The following CMIP variants were observed in gnomAD, a reference collection of about 807,000 sequenced individuals.
CMIP encodes c-Maf inducing protein.
Under a neutral mutation model 97.3 loss-of-function variants are expected in CMIP, and 13 were observed. That is an observed-to-expected ratio of 0.13 (90% CI 0.09 to 0.21). The LOEUF (loss-of-function observed/expected upper bound fraction) is 0.21, where lower values mean the gene tolerates loss of function less well. Ranked by LOEUF, CMIP falls within the 10% of genes least tolerant of loss-of-function variation. The pLI is 1.00. For synonymous variants in CMIP, 538 were observed against 436.3 expected (o/e 1.23, Z -2.91); for missense variants, 847 against 1,024.9 (o/e 0.83, Z 2.37).
chr16:81,588,870 C>G (rs529905636), intron 1 of CMIP, among the ~76,000 whole-genome samples: 9 of 152,142 alleles, frequency 5.9e-5, no homozygotes, highest in African/African-American at 1.4e-4. Context: ...GCCTCTATCA[C>G]TCCCATTTCA....
intron 1 of CMIP, among the ~76,000 whole-genome samples, chr16:81,462,952 A>G (rs1906982054): frequency 6.6e-6 from 1 of 152,212 alleles, no homozygotes; most frequent in African/African-American, 2.4e-5. Context: ...AGCATGAGAA[A>G]ATATGCCCAG....
chr16:81,604,048 C>A (rs2091700836), intron 1 of CMIP, among the ~76,000 whole-genome samples: 1 of 152,190 alleles, frequency 6.6e-6, no homozygotes, highest in African/African-American at 2.4e-5. Flanking sequence ...AAAAAGTCTG[C>A]TTTTGGCCAA....
rs1281145691 is a variant in CMIP at position 81,453,624 on chromosome 16, A to G, written c.300+8083A>G. On this transcript the variant is annotated intron_variant, in intron 1 of 20. Coordinates refer to ENST00000537098, the MANE Select transcript of CMIP (RefSeq NM_198390.3). This position sits in a 1 kb window ranked among gnomAD's most constrained non-coding sequence, Gnocchi z 4.0. ...GGTGCGAGGCTCTGCAGGGAAGGAG[A>G]GCCACGGGTATGGAAGGGGCTGTGT... Among the ~76,000 whole-genome samples, 1 of 151,990 alleles carries G rather than the reference A, an allele frequency of 6.6e-6. No homozygotes were observed. The highest frequency in any genetic ancestry group is 2.4e-5 in the African/African-American group (1 of 41,370).
Position 81,652,676 on chromosome 16 carries a change from G to T in CMIP, c.639+312G>T, listed in dbSNP as rs2092441664. On this transcript the variant is annotated intron_variant, in intron 4 of 20. Transcript: ENST00000537098. This position sits in a 1 kb window ranked among gnomAD's most constrained non-coding sequence, Gnocchi z 5.2. The stretch of plus-strand genomic sequence containing the variant: ...AGCAGTGGCCCACATGAGCTCCAGG[G>T]GTCCAGGGGGATTCAGCTTTCTGCC... Among the ~76,000 whole-genome samples the T allele has an allele frequency of 6.6e-6, 1 of 152,146 alleles. No individual in the cohort carries two copies. The highest frequency in any genetic ancestry group is 1.5e-5 in the Non-Finnish European group (1 of 68,024).
rs114388323 is a variant in CMIP at position 81,484,691 on chromosome 16, C to G, written c.300+39150C>G. Among the ~76,000 whole-genome samples the G allele has an allele frequency of 3.3e-3, 501 of 152,184 alleles. 9 individuals are homozygous for G. The highest frequency in any genetic ancestry group is 2.6e-3 in the Non-Finnish European group (175 of 68,006). ...TGATGGGACTCCTGTAGACGCTAAG[C>G]GATGGAAACATTGTGCGCATCCAGT... is the stretch of plus-strand genomic sequence containing the variant. On this transcript the variant is annotated intron_variant, in intron 1 of 20. Transcript: ENST00000537098.
intron 1 of CMIP, among the ~76,000 whole-genome samples, chr16:81,578,168 C>G (rs2091233892): frequency 6.6e-6 from 1 of 151,804 alleles, no homozygotes; most frequent in Non-Finnish European, 1.5e-5. Flanking sequence ...ACCATCATCC[C>G]CATTACCACT....
chr16:81,679,020 G>A (rs927079279), intron 10 of CMIP, among the ~76,000 whole-genome samples: 5 of 152,206 alleles, frequency 3.3e-5, no homozygotes, highest in Admixed American at 6.5e-5. Context: ...GTGTGTGTGA[G>A]GATCTGGATA....
intron 1 of CMIP, among the ~76,000 whole-genome samples, chr16:81,478,867 C>A (rs1471138101): frequency 6.6e-6 from 1 of 152,186 alleles, no homozygotes; most frequent in Non-Finnish European, 1.5e-5. Flanking sequence ...CTGGGTCTTT[C>A]TTCCCCACCT....
At chr16:81,577,644 C>G (rs1277114843) in intron 1 of CMIP, among the ~76,000 whole-genome samples, 1 of 146,104 alleles carries the variant, frequency 6.8e-6, no homozygotes, top group African/African-American at 2.6e-5. Context: ...ACCATCATCA[C>G]CATCACCTTC....
intron 1 of CMIP, among the ~76,000 whole-genome samples, chr16:81,578,104 C>T (rs892926446): frequency 6.6e-5 from 10 of 151,902 alleles, no homozygotes; most frequent in African/African-American, 2.4e-4. Flanking sequence ...TCCCAATTAC[C>T]ACTACATTAT....
At chr16:81,546,597 A>G (rs1597539392) in intron 1 of CMIP, among the ~76,000 whole-genome samples, 1 of 152,206 alleles carries the variant, frequency 6.6e-6, no homozygotes, top group Non-Finnish European at 1.5e-5. Context: ...ATGAGCGAAC[A>G]CAGTTGTGTG....
At chr16:81,651,161 A>G (rs1015010015) in intron 3 of CMIP, 1 of 152,194 alleles carries the variant, frequency 6.6e-6, no homozygotes, top group Non-Finnish European at 1.5e-5. Context: ...TAACACTAAA[A>G]TTAGGCTCTC....
intron 1 of CMIP, among the ~76,000 whole-genome samples, chr16:81,478,429 TAGTG>T (rs1908062254): frequency 1.3e-5 from 2 of 152,152 alleles, no homozygotes; most frequent in South Asian, 4.1e-4. Flanking sequence ...CCGGAGAAGA[TAGTG>T]AGCTCCCTGA....
intron 1 of CMIP, among the ~76,000 whole-genome samples, chr16:81,484,214 C>T (rs1034289427): frequency 2.0e-5 from 3 of 152,158 alleles, no homozygotes; most frequent in East Asian, 1.9e-4. Flanking sequence ...GGACCTCGCC[C>T]GTTCCCATTC....
intron 1 of CMIP, among the ~76,000 whole-genome samples, chr16:81,500,290 C>CCTTT (rs1386818350): frequency 7.3e-6 from 1 of 136,318 alleles, no homozygotes; most frequent in Non-Finnish European, 1.6e-5. Flanking sequence ...TTCCTTCCTT[C>CCTTT]CTTCCTTCCT....
At chr16:81,607,281 C>T (rs1397820388) in intron 1 of CMIP, among the ~76,000 whole-genome samples, 3 of 152,228 alleles carry the variant, frequency 2.0e-5, no homozygotes, top group African/African-American at 7.2e-5. Context: ...CCGCGGATAC[C>T]AAGAGCAGCA....
intron 1 of CMIP, among the ~76,000 whole-genome samples, chr16:81,538,503 T>A (rs2090389084): frequency 6.6e-6 from 1 of 152,250 alleles, no homozygotes; most frequent in South Asian, 2.1e-4. Flanking sequence ...TCCATGTTCT[T>A]ACTTCGCGAG....
intron 1 of CMIP, among the ~76,000 whole-genome samples, chr16:81,599,784 A>G (rs1336923957): frequency 6.6e-6 from 1 of 152,170 alleles, no homozygotes; most frequent in Non-Finnish European, 1.5e-5. Flanking sequence ...TAGCATGTGG[A>G]TAACAGGGAT....
At chr16:81,520,918 AGT>A (rs1171903109) in intron 1 of CMIP, among the ~76,000 whole-genome samples, 1 of 151,866 alleles carries the variant, frequency 6.6e-6, no homozygotes, top group African/African-American at 2.4e-5. Context: ...TGCTGTCGTG[AGT>A]GTGTGGCTAA....
Sources: allele counts gnomAD v4.1 joint callset (sites outside exome capture counted in the v4.1 genomes callset), GRCh38; gene constraint gnomAD v4.1.1; non-coding constraint Gnocchi (gnomAD v3.1); transcripts MANE v1.5; gene names NCBI Gene and HGNC (gene_info 2026-07-23, HGNC 2026-07-21).